The following LPP variants were observed in gnomAD, a reference collection of about 807,000 sequenced individuals.
LPP encodes the protein lipoma-preferred partner.
A neutral mutation model predicts 60.4 loss-of-function variants in LPP; 38 were observed. That is an observed-to-expected ratio of 0.63 (90% CI 0.49 to 0.83). The LOEUF (loss-of-function observed/expected upper bound fraction) is 0.83, where lower values mean the gene tolerates loss of function less well. LPP is among the 40% of genes least tolerant of loss of function. The pLI, the probability that LPP is intolerant of heterozygous loss-of-function variation, is 0.00. For missense variants in LPP, 902 were observed against 783.6 expected (o/e 1.15, Z -1.80); for synonymous variants, 328 against 290.8 (o/e 1.13, Z -1.30).
At chr3:188,611,307 G>A (rs1049519417) in intron 7 of LPP, among the ~76,000 whole-genome samples, 1 of 152,118 alleles carries the variant, frequency 6.6e-6, no homozygotes, top group African/African-American at 2.4e-5. Context: ...GTCTCTCTAT[G>A]AAAAGAAATG....
At chr3:188,728,758 A>G (rs530352401) in intron 8 of LPP, among the ~76,000 whole-genome samples, 1 of 152,278 alleles carries the variant, frequency 6.6e-6, no homozygotes, top group South Asian at 2.1e-4. Flanking sequence ...TGGTATGTCT[A>G]CTAATGACAC....
chr3:188,471,385 A>G (rs550659887), intron 4 of LPP, among the ~76,000 whole-genome samples: 2 of 152,314 alleles, frequency 1.3e-5, no homozygotes, highest in African/African-American at 4.8e-5. Context: ...TATCTGGGCT[A>G]TTTGTTTAGT....
At chr3:188,537,858 A>G (rs567586314) in intron 6 of LPP, among the ~76,000 whole-genome samples, 3 of 152,144 alleles carry the variant, frequency 2.0e-5, no homozygotes, top group Non-Finnish European at 2.9e-5. Flanking sequence ...CTTTCAAATG[A>G]CAGCAATCAA....
At chr3:188,385,597 T>C (rs1452509113) in intron 3 of LPP, among the ~76,000 whole-genome samples, 1 of 152,170 alleles carries the variant, frequency 6.6e-6, no homozygotes, top group Non-Finnish European at 1.5e-5. Flanking sequence ...AAAATAAAAT[T>C]AGCTACATAT....
At chr3:188,393,895 C>T (rs1231919602) in intron 3 of LPP, among the ~76,000 whole-genome samples, 1 of 152,156 alleles carries the variant, frequency 6.6e-6, no homozygotes, top group East Asian at 1.9e-4. Flanking sequence ...TGGCTTATAG[C>T]ATACTGGAGA....
chr3:188,341,542 G>A lies in LPP; in HGVS notation c.-66-121G>A, dbSNP rs183685012. The A allele has an allele frequency of 4.0e-4, 86 of 215,010 alleles. No individual in the cohort carries two copies. The Admixed American group carries it at 4.7e-3, about 12-fold the overall frequency. The allele number at this position is 215,010 out of a possible 1,614,324, so 13.3% of individuals were successfully genotyped here. A position where few individuals can be genotyped will look rare whatever the true frequency, so the allele number is the denominator to read the frequency against. On this transcript the variant is annotated intron_variant, in intron 2 of 11. Transcript: ENST00000617246. Reference sequence around the variant, plus strand: ...CGGGTTCCTGTGGGGTGCAATGAATGTGAAAATGTTTTGTAAAACAAGAAA... The same window carrying A: ...CGGGTTCCTGTGGGGTGCAATGAATATGAAAATGTTTTGTAAAACAAGAAA...
chr3:188,663,033 A>G (rs1459920496), intron 7 of LPP, among the ~76,000 whole-genome samples: 1 of 152,250 alleles, frequency 6.6e-6, no homozygotes. Flanking sequence ...CATCTAATTG[A>G]CAAACTGTCA....
chr3:188,190,892 A>G (rs1033667434), intron 1 of LPP, among the ~76,000 whole-genome samples: 1 of 152,342 alleles, frequency 6.6e-6, no homozygotes, highest in African/African-American at 2.4e-5. Flanking sequence ...TCACTAGATG[A>G]TGAAAGAAGA....
At chr3:188,540,838 T>C (rs1029537154) in intron 6 of LPP, among the ~76,000 whole-genome samples, 2 of 152,246 alleles carry the variant, frequency 1.3e-5, no homozygotes, top group African/African-American at 4.8e-5. Flanking sequence ...TCCAACTCTC[T>C]GAAATAGATT....
At position 188,886,906 on chromosome 3, in the gene LPP, G is replaced by C. The variant is rs1008422943; in HGVS notation, c.*12427G>C. 4.3e-5 allele frequency: 10 copies of C among 230,366 alleles called. No individual in the cohort carries two copies. The highest frequency in any genetic ancestry group is 8.6e-5 in the Non-Finnish European group (10 of 116,432). 14.3% of individuals were successfully genotyped at this position (230,366 alleles called of 1,614,324 possible). A position where few individuals can be genotyped will look rare whatever the true frequency, so the allele number is the denominator to read the frequency against. On this transcript the variant is annotated 3_prime_UTR_variant, in exon 12 of 12. Coordinates refer to ENST00000617246, the MANE Select transcript of LPP (RefSeq NM_001375462.1). ...GAGAAGAAAAAGCTAGTTAAATTTTGTGTGGATCCATTTATCTCTTAAAAT... is the reference window on the plus strand; with the variant it reads ...GAGAAGAAAAAGCTAGTTAAATTTTCTGTGGATCCATTTATCTCTTAAAAT...
intron 10 of LPP, among the ~76,000 whole-genome samples, chr3:188,872,012 T>A (rs964100863): frequency 6.6e-6 from 1 of 152,220 alleles, no homozygotes. Context: ...CTCTTTAACT[T>A]TTAATTTTTA....
intron 2 of LPP, among the ~76,000 whole-genome samples, chr3:188,287,298 C>T (rs775928217): frequency 5.3e-5 from 8 of 152,210 alleles, no homozygotes; most frequent in East Asian, 1.9e-4. Flanking sequence ...TGCCATCCCC[C>T]GCCCCGTGTG....
chr3:188,524,035 C>T (rs1002336970), intron 5 of LPP, among the ~76,000 whole-genome samples: 18 of 152,270 alleles, frequency 1.2e-4, no homozygotes, highest in East Asian at 3.9e-4. Context: ...ATAGGAAATC[C>T]GGAGATCCTG....
intron 9 of LPP, among the ~76,000 whole-genome samples, chr3:188,802,322 A>G (rs1351417813): frequency 6.6e-6 from 1 of 152,314 alleles, no homozygotes; most frequent in Non-Finnish European, 1.5e-5. Context: ...AGTATGTAAT[A>G]TTAAACCACC....
chr3:188,631,292 T>C (rs1847811361), intron 7 of LPP, among the ~76,000 whole-genome samples: 1 of 152,218 alleles, frequency 6.6e-6, no homozygotes, highest in Non-Finnish European at 1.5e-5. Flanking sequence ...AAAACTGCCT[T>C]TAATCTGCAC....
At chr3:188,530,202 G>C (rs1032156450) in intron 6 of LPP, among the ~76,000 whole-genome samples, 14 of 152,302 alleles carry the variant, frequency 9.2e-5, no homozygotes, top group Admixed American at 9.2e-4. Context: ...TGATGCCCAA[G>C]GGCTTTCATT....
At chr3:188,623,046 AAG>A (rs1407934429) in intron 7 of LPP, among the ~76,000 whole-genome samples, 562 of 49,282 alleles carry the variant, frequency 0.011, 13 homozygotes, top group East Asian at 0.027. Flanking sequence ...AAAAAAAAAA[AAG>A]AGAGAGCTAA....
intron 2 of LPP, chr3:188,312,930 A>T (rs1267328575): frequency 2.0e-5 from 3 of 152,088 alleles, no homozygotes; most frequent in African/African-American, 7.2e-5. Context: ...TGGGAATTGA[A>T]CAATGAGAAT....
At chr3:188,232,546 G>C (rs1443334968) in intron 2 of LPP, among the ~76,000 whole-genome samples, 1 of 146,126 alleles carries the variant, frequency 6.8e-6, no homozygotes, top group Non-Finnish European at 1.5e-5. Flanking sequence ...AGTAGAGGAG[G>C]TTTCACCATG....
Sources: allele counts gnomAD v4.1 joint callset (sites outside exome capture counted in the v4.1 genomes callset), GRCh38; gene constraint gnomAD v4.1.1; transcripts MANE v1.5; gene names NCBI Gene and HGNC (gene_info 2026-07-23, HGNC 2026-07-21).